Variants in ZFHX3 observed in about 807,000 individuals in gnomAD.
The protein encoded by ZFHX3 is zinc finger homeobox 3.
Under a neutral mutation model 279.1 loss-of-function variants are expected in ZFHX3, and 42 were observed. The ratio of observed to expected loss-of-function variants is 0.15; its 90% CI spans 0.12 to 0.19. ZFHX3 has a LOEUF of 0.19. Ranked by LOEUF, ZFHX3 falls within the 10% of genes least tolerant of loss-of-function variation. The pLI, the probability that ZFHX3 is intolerant of heterozygous loss-of-function variation, is 1.00. For synonymous variants in ZFHX3, 2,293 were observed against 1,957.8 expected, an observed-to-expected ratio of 1.17 and a Z score of -4.52; for missense variants, 4,981 against 4,754.0, an observed-to-expected ratio of 1.05 and a Z score of -1.40.
At chr16:73,644,823 C>T (rs1187648234) in intron 2 of ZFHX3, among the ~76,000 whole-genome samples, 2 of 152,142 alleles carry the variant, frequency 1.3e-5, no homozygotes, top group Non-Finnish European at 2.9e-5. Flanking sequence ...CGGCACCTCA[C>T]ACAACTTCTC....
intron 2 of ZFHX3, among the ~76,000 whole-genome samples, chr16:73,494,052 C>T (rs535862252): frequency 4.9e-4 from 75 of 152,220 alleles, no homozygotes; most frequent in African/African-American, 1.8e-3. Flanking sequence ...ATGCCTTCCT[C>T]CCCGGTCTCC....
At chr16:72,828,787 C>T (rs1366865365) in intron 5 of ZFHX3, among the ~76,000 whole-genome samples, 1 of 152,066 alleles carries the variant, frequency 6.6e-6, no homozygotes, top group Non-Finnish European at 1.5e-5. Flanking sequence ...ACTGCAGCTT[C>T]GACCTCCCTG....
intron 1 of ZFHX3, among the ~76,000 whole-genome samples, chr16:73,849,023 T>A (rs895586952): frequency 1.3e-5 from 2 of 152,234 alleles, no homozygotes; most frequent in African/African-American, 4.8e-5. Flanking sequence ...GACACAGCAT[T>A]GTTCTTGTTA....
At chr16:72,877,192 A>G (rs763569332) in intron 4 of ZFHX3, among the ~76,000 whole-genome samples, 6 of 152,210 alleles carry the variant, frequency 3.9e-5, no homozygotes, top group East Asian at 1.9e-4. Flanking sequence ...ACAGGTCCGC[A>G]GGGAATCAAA....
chr16:72,879,272 C>A (rs868779302), intron 4 of ZFHX3, among the ~76,000 whole-genome samples: 67 of 152,292 alleles, frequency 4.4e-4, no homozygotes, highest in Middle Eastern at 6.8e-3. Flanking sequence ...AGTCAATCAG[C>A]TGGCCCCCTA....
At chr16:73,314,415 G>A (rs2015397721) in intron 4 of ZFHX3, among the ~76,000 whole-genome samples, 4 of 152,128 alleles carry the variant, frequency 2.6e-5, no homozygotes, top group Admixed American at 2.6e-4. Flanking sequence ...CCTAAAATAG[G>A]TAGGTACAAC....
intron 3 of ZFHX3, chr16:73,419,987 G>T (rs948051266): frequency 4.0e-5 from 6 of 151,682 alleles, no homozygotes; most frequent in African/African-American, 1.5e-4. Flanking sequence ...GATCACTGAA[G>T]TCTCGACCTC....
intron 1 of ZFHX3, among the ~76,000 whole-genome samples, chr16:73,797,794 A>T (rs1397888455): frequency 6.7e-6 from 1 of 150,060 alleles, no homozygotes; most frequent in Non-Finnish European, 1.5e-5. Flanking sequence ...GTATAGGACA[A>T]GCCTTCTGAA....
intron 2 of ZFHX3, among the ~76,000 whole-genome samples, chr16:73,507,680 T>C (rs1362156523): frequency 1.3e-5 from 2 of 151,810 alleles, no homozygotes; most frequent in Non-Finnish European, 2.9e-5. Flanking sequence ...TTTAATGTTT[T>C]TGTAGAGATA....
chr16:73,293,390 T>C (rs183434514), intron 4 of ZFHX3, among the ~76,000 whole-genome samples: 184 of 152,286 alleles, frequency 1.2e-3, no homozygotes, highest in Admixed American at 3.3e-3. Flanking sequence ...ACTAGGAGTT[T>C]CCATTGAAAT....
intron 1 of ZFHX3, among the ~76,000 whole-genome samples, chr16:72,976,529 G>A (rs568365077): frequency 1.3e-5 from 2 of 152,130 alleles, no homozygotes; most frequent in Non-Finnish European, 1.5e-5. Context: ...CCCTCCTGTC[G>A]ATACAGACTC....
chr16:73,738,785 TC>T (rs1444489649), intron 1 of ZFHX3, among the ~76,000 whole-genome samples: 2 of 152,190 alleles, frequency 1.3e-5, no homozygotes, highest in South Asian at 2.1e-4. Flanking sequence ...TCAAATTCAT[TC>T]CTGCCCCCTT....
chr16:73,771,847 G>A (rs2142293215), intron 1 of ZFHX3, among the ~76,000 whole-genome samples: 1 of 150,070 alleles, frequency 6.7e-6, no homozygotes, highest in South Asian at 2.1e-4. Flanking sequence ...CCCGGAAGAT[G>A]GTGACTAATC....
intron 3 of ZFHX3, among the ~76,000 whole-genome samples, chr16:72,948,569 CA>C (rs1318673356): frequency 6.6e-6 from 1 of 152,166 alleles, no homozygotes; most frequent in Non-Finnish European, 1.5e-5. Flanking sequence ...CCGTAAGAAG[CA>C]AAGTCAAGTG....
At chr16:73,682,896 A>AAGAAAGAG (rs1567550530) in intron 1 of ZFHX3, among the ~76,000 whole-genome samples, 4 of 22,342 alleles carry the variant, frequency 1.8e-4, no homozygotes, top group African/African-American at 5.6e-4. Flanking sequence ...GAAAGAAAGA[A>AAGAAAGAG]AGAAAGAAAG....
chr16:73,436,463 A>G (rs1362088991), intron 3 of ZFHX3, among the ~76,000 whole-genome samples: 1 of 152,124 alleles, frequency 6.6e-6, no homozygotes, highest in Non-Finnish European at 1.5e-5. Context: ...CCCTTATAAA[A>G]CCATCAGATG....
intron 1 of ZFHX3, among the ~76,000 whole-genome samples, chr16:73,017,300 G>A (rs868023374): frequency 4.6e-5 from 7 of 151,838 alleles, no homozygotes; most frequent in South Asian, 4.2e-4. Context: ...TTCCCAAGAC[G>A]TGATGGGAAT....
intron 2 of ZFHX3, among the ~76,000 whole-genome samples, chr16:73,677,156 A>T (rs1044857626): frequency 6.6e-6 from 1 of 151,934 alleles, no homozygotes; most frequent in Non-Finnish European, 1.5e-5. Context: ...TCCCCAAAAT[A>T]TGTCAACAAA....
chr16:73,816,993 G>A (rs1251769798), intron 1 of ZFHX3, among the ~76,000 whole-genome samples: 1 of 152,220 alleles, frequency 6.6e-6, no homozygotes, highest in Non-Finnish European at 1.5e-5. Flanking sequence ...CCACATCCCA[G>A]GAGCCATGGG....
Sources: gnomAD v4.1 joint callset for allele counts (sites outside exome capture counted in the v4.1 genomes callset) on GRCh38, gnomAD v4.1.1 for gene constraint, MANE v1.5 for transcripts, NCBI Gene and HGNC (gene_info 2026-07-23, HGNC 2026-07-21) for gene names.